NCOR2: variants seen among roughly 807,000 people sequenced by gnomAD.
NCOR2 encodes CTG repeat protein 26.
NCOR2 carries 81 observed loss-of-function variants against 262.9 expected under a neutral mutation model. The ratio of observed to expected loss-of-function variants is 0.31; its 90% CI spans 0.26 to 0.37. The LOEUF (loss-of-function observed/expected upper bound fraction) is 0.37. NCOR2 is among the 10% of genes least tolerant of loss of function. The pLI is 1.00. For synonymous variants in NCOR2, 1,659 were observed against 1,559.3 expected, an observed-to-expected ratio of 1.06 and a Z score of -1.51; for missense variants, 3,385 against 3,621.4, an observed-to-expected ratio of 0.93 and a Z score of 1.68.
chr12:124,395,813 G>A (rs534737641), intron 16 of NCOR2, among the ~76,000 whole-genome samples: 58 of 152,302 alleles, frequency 3.8e-4, no homozygotes, highest in African/African-American at 1.3e-3. Context: ...GGAGTCCTCC[G>A]ATGGGTGGGT....
intron 13 of NCOR2, among the ~76,000 whole-genome samples, chr12:124,410,570 G>C (rs7968308): frequency 6.6e-6 from 1 of 152,030 alleles, no homozygotes; most frequent in Non-Finnish European, 1.5e-5. Flanking sequence ...CGGCACCACC[G>C]GAAGGCTGTG....
Position 124,389,312 on chromosome 12 carries a change from C to T in NCOR2, c.1877-3425G>A, listed in dbSNP as rs1047269322. Among the ~76,000 whole-genome samples the T allele has an allele frequency of 6.6e-6, 1 of 151,842 alleles. No homozygotes were observed. Among genetic ancestry groups the T allele is most frequent in the Non-Finnish European group, 1.5e-5 (1 of 67,972 alleles). Reference sequence around the variant, plus strand: ...CTTCTTGCTGCCTGACCCAGCGAGACGCGGCAGGACTGAATGTGACCTCCA... The same window carrying T: ...CTTCTTGCTGCCTGACCCAGCGAGATGCGGCAGGACTGAATGTGACCTCCA... On this transcript the variant is annotated intron_variant, in intron 16 of 46. Coordinates refer to ENST00000405201, the Ensembl canonical transcript of NCOR2. This position sits in a 1 kb window ranked among gnomAD's most constrained non-coding sequence, Gnocchi z 4.4.
chr12:124,326,107 G>A lies in NCOR2; in HGVS notation c.7363+84C>T, dbSNP rs934283269. 1.9e-5 allele frequency: 25 copies of A among 1,346,114 alleles called. No individual in the cohort carries two copies. The East Asian group carries it at 3.2e-4, about 17-fold the overall frequency. The allele number at this position is 1,346,114 out of a possible 1,614,324, so 83.4% of individuals were successfully genotyped here. Reference sequence around the variant, plus strand: ...AGTCTGAGCTCTGCATGCAGCAGGCGCTCAGCATTCAGTGCCCCGGCAGCA... The same window carrying A: ...AGTCTGAGCTCTGCATGCAGCAGGCACTCAGCATTCAGTGCCCCGGCAGCA... On this transcript the variant is annotated intron_variant, in intron 46 of 46. Coordinates refer to ENST00000405201, the Ensembl canonical transcript of NCOR2.
intron 13 of NCOR2, among the ~76,000 whole-genome samples, chr12:124,405,820 G>C (rs2042245072): frequency 6.6e-6 from 1 of 151,388 alleles, no homozygotes; most frequent in African/African-American, 2.5e-5. Context: ...AAGTGCAGCA[G>C]CCGACACTGG....
chr12:124,359,311 G>C (rs773901951), intron 22 of NCOR2, among the ~76,000 whole-genome samples: 39 of 152,248 alleles, frequency 2.6e-4, no homozygotes, highest in Admixed American at 1.4e-3. Flanking sequence ...GCCGCCTCCA[G>C]ATGAACAAAG....
chr12:124,389,911 C>G lies in NCOR2; in HGVS notation c.1877-4024G>C, dbSNP rs1011662492. Among the ~76,000 whole-genome samples the G allele has an allele frequency of 6.6e-6, 1 of 152,172 alleles. No individual in the cohort carries two copies. On this transcript the variant is annotated intron_variant, in intron 16 of 46. Coordinates refer to ENST00000405201, the Ensembl canonical transcript of NCOR2. This position sits in a 1 kb window ranked among gnomAD's most constrained non-coding sequence, Gnocchi z 4.4. ...AGCCACCCAGAAGGTTGAAAGTTAA[C>G]TGAGCTGAACTTTGGATCCTAGATT...
At chr12:124,496,250 T>G (rs951167250), upstream of NCOR2, among the ~76,000 whole-genome samples, 12 of 149,534 alleles carry the variant, frequency 8.0e-5, no homozygotes, top group Non-Finnish European at 1.5e-4. This position sits in a 1 kb window ranked among gnomAD's most constrained non-coding sequence, Gnocchi z 4.4. Context: ...CAACAAGGCT[T>G]CTCCCCTTCC....
chr12:124,486,084 G>A (rs1308327282), intron 2 of NCOR2, among the ~76,000 whole-genome samples: 2 of 152,190 alleles, frequency 1.3e-5, no homozygotes, highest in Non-Finnish European at 2.9e-5. Flanking sequence ...CTGCCAGCTG[G>A]AGAAGAAGGA....
At chr12:124,520,886 C>A (rs1174004830) in intron 1 of NCOR2, among the ~76,000 whole-genome samples, 3 of 152,114 alleles carry the variant, frequency 2.0e-5, no homozygotes, top group Non-Finnish European at 4.4e-5. Flanking sequence ...TGGGAAAGAT[C>A]GGTGAAGACC....
chr12:124,395,353 C>G (rs1398339672), intron 16 of NCOR2, among the ~76,000 whole-genome samples: 1 of 152,122 alleles, frequency 6.6e-6, no homozygotes. Flanking sequence ...CTCCTGCCAT[C>G]GCCTGGAACA....
chr12:124,500,100 G>A (rs1255714540), upstream of NCOR2, among the ~76,000 whole-genome samples: 2 of 152,128 alleles, frequency 1.3e-5, no homozygotes, highest in Non-Finnish European at 2.9e-5. Flanking sequence ...GGAGGGTCAG[G>A]CCTCCGAGGA....
chr12:124,374,086 T>A (rs1199098254), intron 19 of NCOR2, among the ~76,000 whole-genome samples: 10 of 152,204 alleles, frequency 6.6e-5, no homozygotes, highest in Admixed American at 5.9e-4. Flanking sequence ...TGAGTCTCAA[T>A]GTCTCCCATT....
chr12:124,557,598 G>A (rs1411850841), intron 1 of NCOR2, among the ~76,000 whole-genome samples: 2 of 152,214 alleles, frequency 1.3e-5, no homozygotes, highest in African/African-American at 2.4e-5. Flanking sequence ...TGAGGTTCCA[G>A]GAGGGACGTG....
intron 44 of NCOR2, chr12:124,329,229 A>T (rs1448141028): frequency 2.2e-6 from 1 of 450,280 alleles, no homozygotes; most frequent in Non-Finnish European, 4.5e-6. Context: ...GGGAGGCCCA[A>T]TGTGGGTGGA....
intron 10 of NCOR2, among the ~76,000 whole-genome samples, chr12:124,427,203 G>A (rs560703439): frequency 2.0e-5 from 3 of 152,106 alleles, no homozygotes; most frequent in Admixed American, 2.0e-4. Flanking sequence ...TGGGCCCTGG[G>A]GTCCAGCTGG....
intron 16 of NCOR2, among the ~76,000 whole-genome samples, chr12:124,386,935 G>A (rs2040849141): frequency 6.6e-6 from 1 of 152,252 alleles, no homozygotes; most frequent in South Asian, 2.1e-4. Context: ...GGCTGTGGGA[G>A]AGACAGGGAG....
At chr12:124,519,251 C>G (rs1401714016) in intron 1 of NCOR2, among the ~76,000 whole-genome samples, 1 of 152,168 alleles carries the variant, frequency 6.6e-6, no homozygotes, top group African/African-American at 2.4e-5. Context: ...GTAGAAGGGG[C>G]AGGCTGAGCT....
chr12:124,435,056 T>A (rs1256633012), intron 8 of NCOR2, among the ~76,000 whole-genome samples: 2 of 152,246 alleles, frequency 1.3e-5, no homozygotes, highest in Non-Finnish European at 2.9e-5. Context: ...ACCTGGCTCC[T>A]GCTGCTGGCC....
At chr12:124,540,390 C>G (rs921672747), upstream of NCOR2, among the ~76,000 whole-genome samples, 1 of 130,512 alleles carries the variant, frequency 7.7e-6, no homozygotes, top group Non-Finnish European at 1.6e-5. Flanking sequence ...GTTAGAGAAG[C>G]TGGGGCAGCC....
Sources: allele counts gnomAD v4.1 joint callset (sites outside exome capture counted in the v4.1 genomes callset), GRCh38; gene constraint gnomAD v4.1.1; non-coding constraint Gnocchi (gnomAD v3.1); transcripts MANE v1.5; gene names NCBI Gene and HGNC (gene_info 2026-07-23, HGNC 2026-07-21).